MRO: variants seen among roughly 807,000 people sequenced by gnomAD.
The protein encoded by MRO is maestro.
In MRO, 28 loss-of-function variants were observed where a neutral mutation model predicts 31.0. The observed-to-expected ratio is 0.90, with a 90% CI of 0.67 to 1.24. The LOEUF (loss-of-function observed/expected upper bound fraction) is 1.24, where lower values mean the gene tolerates loss of function less well. Ranked by LOEUF, MRO falls within the 50% of genes most tolerant of loss-of-function variation. The pLI, the probability that MRO is intolerant of heterozygous loss-of-function variation, is 0.00. For missense variants in MRO, 332 were observed against 289.2 expected, an observed-to-expected ratio of 1.15 and a Z score of -1.07; for synonymous variants, 108 against 108.4, an observed-to-expected ratio of 1.00 and a Z score of 0.02.
At chr18:50,800,318 C>T (rs1913173070) in intron 6 of MRO, among the ~76,000 whole-genome samples, 175 bp from the exon 7 acceptor site, 1 of 152,124 alleles carries the variant, frequency 6.6e-6, no homozygotes, top group Admixed American at 6.5e-5. Flanking sequence ...TATAAAATGG[C>T]CATGTCTATA....
chr18:50,801,709 GA>G (rs1360668069), intron 5 of MRO, among the ~76,000 whole-genome samples: 1 of 152,136 alleles, frequency 6.6e-6, no homozygotes, highest in Non-Finnish European at 1.5e-5. Flanking sequence ...GTGGCTTGAA[GA>G]GGGCCCAAAG....
intron 3 of MRO, among the ~76,000 whole-genome samples, chr18:50,807,985 C>G (rs1914106492): frequency 6.6e-6 from 1 of 152,194 alleles, no homozygotes; most frequent in Admixed American, 6.5e-5. Context: ...ACTTGGGAGG[C>G]TGAGGCAGGG....
upstream of MRO, among the ~76,000 whole-genome samples, chr18:50,824,856 C>T (rs1487020717): frequency 1.1e-4 from 16 of 150,830 alleles, no homozygotes; most frequent in African/African-American, 3.9e-4. Context: ...GGGAGGATCA[C>T]CTGAGGTCAG....
intron 7 of MRO, 26 bp from the exon 8 acceptor site, chr18:50,799,416 G>A (rs147308965): frequency 2.7e-5 from 43 of 1,606,530 alleles, no homozygotes; most frequent in African/African-American, 1.7e-4. Flanking sequence ...AAAGGTACGC[G>A]TGAGGGCAGG....
At chr18:50,809,131 C>A (rs1360753395) in intron 3 of MRO, among the ~76,000 whole-genome samples, 171 bp downstream of exon 3, 1 of 107,056 alleles carries the variant, frequency 9.3e-6, no homozygotes, top group Non-Finnish European at 1.9e-5. Flanking sequence ...GGCGACAGAG[C>A]GAGACTCCGT....
chr18:50,822,889 T>C (rs1392210960), upstream of MRO, among the ~76,000 whole-genome samples: 1 of 152,018 alleles, frequency 6.6e-6, no homozygotes, highest in Non-Finnish European at 1.5e-5. Context: ...ACACTCGGAC[T>C]GCGCTCTCAA....
intron 2 of MRO, chr18:50,815,697 G>T: frequency 2.3e-6 from 1 of 437,474 alleles, no homozygotes; most frequent in Non-Finnish European, 4.5e-6. Flanking sequence ...TTATGGATCT[G>T]GTAGTGGAAA....
chr18:50,825,013 G>A (rs1915462682), upstream of MRO, among the ~76,000 whole-genome samples: 1 of 148,854 alleles, frequency 6.7e-6, no homozygotes, highest in Non-Finnish European at 1.5e-5. Flanking sequence ...AGGTCGCAGT[G>A]AGCCGAGATC....
chr18:50,806,099 AT>A lies in MRO; in HGVS notation c.246+604del, dbSNP rs139637232. ...CCACCATGCCTGGGCAATTTTTTGTATTTTTACAAAAATATAAAAGAAATGG... is the reference window on the plus strand; with the variant it reads ...CCACCATGCCTGGGCAATTTTTTGTATTTTACAAAAATATAAAAGAAATGG... On this transcript the variant is annotated intron_variant, in intron 4 of 7. Coordinates refer to ENST00000398439, the MANE Select transcript of MRO (RefSeq NM_031939.6). Among the ~76,000 whole-genome samples, 241 of 151,358 alleles carry A rather than the reference AT, an allele frequency of 1.6e-3. 1 individual carries two copies. Among genetic ancestry groups the A allele is most frequent in the African/African-American group, 5.7e-3 (234 of 41,212 alleles).
chr18:50,807,333 T>C (rs1171834348), intron 3 of MRO, among the ~76,000 whole-genome samples: 1 of 152,294 alleles, frequency 6.6e-6, no homozygotes, highest in East Asian at 1.9e-4. Flanking sequence ...TCTCCTCCCA[T>C]TGCCTCTTGA....
Position 50,797,837 on chromosome 18 carries a change from G to C in MRO, c.*1500C>G, listed in dbSNP as rs1912913213. Reference sequence around the variant, plus strand: ...GCCTGTGTCCCTCCTAAAATCTCTTGCTGTCATGTTCTTCAGATTCAGAAC... The same window carrying C: ...GCCTGTGTCCCTCCTAAAATCTCTTCCTGTCATGTTCTTCAGATTCAGAAC... On this transcript the variant is annotated 3_prime_UTR_variant, in exon 8 of 8. Coordinates refer to ENST00000398439, the MANE Select transcript of MRO (RefSeq NM_031939.6). 2 of 152,174 alleles carry C rather than the reference G, an allele frequency of 1.3e-5. No homozygotes were observed. Among genetic ancestry groups the C allele is most frequent in the Admixed American group, 6.5e-5 (1 of 15,270 alleles). 9.4% of individuals were successfully genotyped at this position (152,174 alleles called of 1,614,324 possible).
rs374034627 is a variant in MRO at position 50,806,778 on chromosome 18, G to A, written c.172C>T (p.Arg58Trp). The change falls in exon 4 of 8, where the codon CGG (arginine) becomes TGG (tryptophan). Residue 58 changes from arginine to tryptophan, a missense_variant. Arg to Trp is a moderately radical substitution (Grantham distance 101). Transcript: ENST00000398439. The stretch of plus-strand genomic sequence containing the variant: ...TGACGCTTTTTAGCACTGGGGTCCC[G>A]AGCTCTTTCTGCCAAGATGAAAAAC... ...NVFFILAERA[R>W]DPSAKKRHMA... is the part of the protein sequence containing the mutation. 3.9e-5 allele frequency: 63 copies of A among 1,613,938 alleles called. No individual in the cohort carries two copies. The highest frequency in any genetic ancestry group is 4.5e-5 in the Non-Finnish European group (53 of 1,180,026).
At chr18:50,823,636 A>G (rs1320573249), upstream of MRO, 1 of 152,264 alleles carries the variant, frequency 6.6e-6, no homozygotes, top group African/African-American at 2.4e-5. Flanking sequence ...CAAGGGACTC[A>G]AATCTTTATG....
upstream of MRO, among the ~76,000 whole-genome samples, chr18:50,824,523 C>G (rs192932880): frequency 6.7e-6 from 1 of 148,514 alleles, no homozygotes; most frequent in South Asian, 2.1e-4. Context: ...ATTGCGATCT[C>G]GGCTCACTGC....
chr18:50,811,508 A>G (rs1288980016), intron 2 of MRO, among the ~76,000 whole-genome samples: 1 of 152,194 alleles, frequency 6.6e-6, no homozygotes. Context: ...TTCAAGGTTC[A>G]TCCATGTTGT....
rs1205245299 is a variant in MRO at position 50,797,296 on chromosome 18, T to A, written c.*2041A>T. 1 of 152,244 alleles carries A rather than the reference T, an allele frequency of 6.6e-6. No homozygotes were observed. The highest frequency in any genetic ancestry group is 2.4e-5 in the African/African-American group (1 of 41,430). 9.4% of individuals were successfully genotyped at this position (152,244 alleles called of 1,614,324 possible). On this transcript the variant is annotated 3_prime_UTR_variant, in exon 8 of 8. Transcript: ENST00000398439. ...GGTGATCTCAGGCACTCTCATTTGTTCCTGGTAGTTCAACTCCTTATGTGG... is the reference window on the plus strand; with the variant it reads ...GGTGATCTCAGGCACTCTCATTTGTACCTGGTAGTTCAACTCCTTATGTGG...
rs115026723 is a variant in MRO at position 50,806,765 on chromosome 18, G to A, written c.185C>T (p.Ala62Val). 5 of 1,614,150 alleles carry A rather than the reference G, an allele frequency of 3.1e-6. No individual in the cohort carries two copies. Among genetic ancestry groups the A allele is most frequent in the Admixed American group, 1.7e-5 (1 of 60,018 alleles). Residue 62 changes from alanine (A) to valine (V), a missense_variant, in exon 4 of 8, where the codon GCT becomes GTT. By Grantham distance (64) the Ala-to-Val change is moderately conservative (BLOSUM62 0). Transcript: ENST00000398439. Reference sequence around the variant, plus strand: ...TCTCATTGCCATGTGACGCTTTTTAGCACTGGGGTCCCGAGCTCTTTCTGC... The same window carrying A: ...TCTCATTGCCATGTGACGCTTTTTAACACTGGGGTCCCGAGCTCTTTCTGC... ...ILAERARDPS[A>V]KKRHMAMRNL...
intron 1 of MRO, chr18:50,825,230 A>G (rs965289320): frequency 5.3e-5 from 8 of 152,216 alleles, no homozygotes; most frequent in Non-Finnish European, 7.3e-5. Flanking sequence ...GGTTAAGTCT[A>G]TAGCAGTCTA....
intron 7 of MRO, among the ~76,000 whole-genome samples, 183 bp downstream of exon 7, chr18:50,799,853 G>A (rs1485434312): frequency 1.3e-5 from 2 of 152,224 alleles, no homozygotes; most frequent in East Asian, 3.9e-4. Context: ...GAAGGCTGCA[G>A]TGAGCCAAGA....
Sources: allele counts gnomAD v4.1 joint callset (sites outside exome capture counted in the v4.1 genomes callset), GRCh38; gene constraint gnomAD v4.1.1; transcripts MANE v1.5; gene names NCBI Gene and HGNC (gene_info 2026-07-23, HGNC 2026-07-21).